The following CPPED1 variants were observed in gnomAD, a reference collection of about 807,000 sequenced individuals.
The protein encoded by CPPED1 is serine/threonine-protein phosphatase CPPED1.
CPPED1 carries 28 observed loss-of-function variants against 28.0 expected under a neutral mutation model. That is an observed-to-expected ratio of 1.00 (90% confidence interval 0.74 to 1.37). CPPED1 has a LOEUF of 1.37. CPPED1 is among the 40% of genes most tolerant of loss of function. CPPED1 has a pLI of 0.00. For synonymous variants in CPPED1, 198 were observed against 180.2 expected (o/e 1.10, Z -0.79); for missense variants, 504 against 416.5 (o/e 1.21, Z -1.83).
chr16:12,781,342 C>G lies in CPPED1; in HGVS notation c.132G>C (p.Gly44=), dbSNP rs2080530366. 1 of 1,614,136 alleles carries G rather than the reference C, an allele frequency of 6.2e-7. No individual in the cohort carries two copies. Among genetic ancestry groups the G allele is most frequent in the African/African-American group, 1.3e-5 (1 of 75,018 alleles). Residue 44 remains glycine (G), a synonymous_variant, in exon 2 of 4, where the codon GGG becomes GGC. Transcript: ENST00000381774. Reference sequence around the variant, plus strand: ...CCCCAGTGGACCAGGCCTTGATCAGCCCAAACTGTGGGTCTGCGCCCAGGA... The same window carrying G: ...CCCCAGTGGACCAGGCCTTGATCAGGCCAAACTGTGGGTCTGCGCCCAGGA... ...YFILGADPQF[G]LIKAWSTGDC...
intron 2 of CPPED1, among the ~76,000 whole-genome samples, chr16:12,732,644 T>C (rs578100268): frequency 1.3e-5 from 2 of 152,294 alleles, no homozygotes; most frequent in East Asian, 3.9e-4. Flanking sequence ...GAAGATCCTA[T>C]GTGTTTCTGG....
At position 12,670,717 on chromosome 16, in the gene CPPED1, T is replaced by A. The variant is rs1056461753; in HGVS notation, c.716-5602A>T. ...AGAGAGACACATTGTATCAAATACC[T>A]GACCAGCACTCCTCAAAACTGTCAT... On this transcript the variant is annotated intron_variant, in intron 3 of 3. Transcript: ENST00000381774. This position sits in a 1 kb window ranked among gnomAD's most constrained non-coding sequence, Gnocchi z 4.2. 1.3e-5 allele frequency among the ~76,000 whole-genome samples: 2 copies of A among 152,170 alleles called. No homozygotes were observed. Among genetic ancestry groups the A allele is most frequent in the African/African-American group, 2.4e-5 (1 of 41,448 alleles).
At chr16:12,769,720 C>T (rs2080459097) in intron 2 of CPPED1, among the ~76,000 whole-genome samples, 1 of 152,154 alleles carries the variant, frequency 6.6e-6, no homozygotes. Flanking sequence ...CAGGTTACTG[C>T]TCAGCATTCG....
chr16:12,725,751 A>T (rs886862668), intron 2 of CPPED1, among the ~76,000 whole-genome samples: 2 of 152,170 alleles, frequency 1.3e-5, no homozygotes, highest in African/African-American at 4.8e-5. Context: ...AATGAATGAA[A>T]ACACGTCTTA....
chr16:12,736,164 G>C (rs2080225831), intron 2 of CPPED1, among the ~76,000 whole-genome samples: 1 of 152,118 alleles, frequency 6.6e-6, no homozygotes, highest in Admixed American at 6.6e-5. Context: ...CCCAAACTCA[G>C]AAGTGGGCTG....
intron 1 of CPPED1, among the ~76,000 whole-genome samples, chr16:12,797,824 T>C (rs2080636718): frequency 1.3e-5 from 2 of 151,924 alleles, no homozygotes; most frequent in Admixed American, 1.3e-4. Flanking sequence ...TGGACAAGCT[T>C]GTCCTAACAG....
intron 2 of CPPED1, among the ~76,000 whole-genome samples, chr16:12,730,833 C>T (rs559701618): frequency 4.6e-5 from 7 of 152,156 alleles, no homozygotes; most frequent in Non-Finnish European, 8.8e-5. Flanking sequence ...CATCTCAACT[C>T]GAGTGGTGGG....
chr16:12,772,204 G>A (rs2080474258), intron 2 of CPPED1, among the ~76,000 whole-genome samples: 1 of 152,162 alleles, frequency 6.6e-6, no homozygotes. Flanking sequence ...CATGGCTACT[G>A]TTATCAGGAC....
At chr16:12,779,208 A>G (rs2080515292) in intron 2 of CPPED1, among the ~76,000 whole-genome samples, 1 of 152,010 alleles carries the variant, frequency 6.6e-6, no homozygotes, top group African/African-American at 2.4e-5. Context: ...AAAATTTGAA[A>G]TCTTCTTTTC....
intron 1 of CPPED1, among the ~76,000 whole-genome samples, chr16:12,797,688 T>G (rs1374207351): frequency 6.6e-6 from 1 of 152,092 alleles, no homozygotes; most frequent in African/African-American, 2.4e-5. Context: ...ACACTAACAT[T>G]AATGATAGCT....
chr16:12,716,230 T>C (rs1398917044), intron 2 of CPPED1, among the ~76,000 whole-genome samples: 1 of 152,260 alleles, frequency 6.6e-6, no homozygotes. Flanking sequence ...TCACCTCTCC[T>C]GTATTTACCT....
chr16:12,699,928 T>C (rs1331870831), intron 3 of CPPED1, among the ~76,000 whole-genome samples: 1 of 152,186 alleles, frequency 6.6e-6, no homozygotes, highest in Non-Finnish European at 1.5e-5. Flanking sequence ...GTTCCAATTA[T>C]GTTGTTGTGA....
intron 2 of CPPED1, among the ~76,000 whole-genome samples, chr16:12,725,988 G>A (rs928889860): frequency 1.3e-5 from 2 of 152,078 alleles, no homozygotes; most frequent in African/African-American, 2.4e-5. Flanking sequence ...CTTGAGCCCA[G>A]GAGTTCAAGA....
intron 3 of CPPED1, among the ~76,000 whole-genome samples, chr16:12,701,464 G>C (rs797016330): frequency 4.6e-5 from 7 of 152,286 alleles, no homozygotes; most frequent in African/African-American, 1.7e-4. Flanking sequence ...AACTTGGGAG[G>C]TGGAGGAGGT....
At position 12,762,120 on chromosome 16, in the gene CPPED1, C is replaced by T. The variant is rs997460682; in HGVS notation, c.289+19065G>A. On this transcript the variant is annotated intron_variant, in intron 2 of 3. Coordinates refer to ENST00000381774, the MANE Select transcript of CPPED1 (RefSeq NM_018340.3). ...TACAGTCTTAAAATAAACATATCCT[C>T]GGCTAATTGAGAGGACAGCCTGGGG... is the stretch of plus-strand genomic sequence containing the variant. 5.3e-5 allele frequency among the ~76,000 whole-genome samples: 8 copies of T among 152,138 alleles called. No individual in the cohort carries two copies. The East Asian group carries it at 9.6e-4, about 18-fold the overall frequency.
intron 2 of CPPED1, among the ~76,000 whole-genome samples, chr16:12,718,856 G>A (rs1019147673): frequency 2.6e-5 from 4 of 152,138 alleles, no homozygotes; most frequent in Admixed American, 1.3e-4. Context: ...GCAGCTATTT[G>A]GTAGGCTGAG....
At chr16:12,780,522 C>T (rs562673097) in intron 2 of CPPED1, among the ~76,000 whole-genome samples, 1 of 152,124 alleles carries the variant, frequency 6.6e-6, no homozygotes, top group African/African-American at 2.4e-5. Flanking sequence ...TCTTTCTGTT[C>T]TGGTTTCTGA....
At position 12,781,380 on chromosome 16, in the gene CPPED1, G is replaced by A; in HGVS notation, c.94C>T (p.Pro32Ser). Residue 32 changes from proline (P) to serine (S), a missense_variant, in exon 2 of 4, where the codon CCA (proline) becomes TCA (serine). Coordinates refer to ENST00000381774, the MANE Select transcript of CPPED1 (RefSeq NM_018340.3). ...TCTGCGCCCAGGATGAAGTAGAATG[G>A]GCCTTTCCATTCGCTTTCCTTTTCT... ...PAEKESEWKGPFYFILGADPQ... is the reference protein window; with the variant it reads ...PAEKESEWKGSFYFILGADPQ... 1 of 1,613,920 alleles carries A rather than the reference G, an allele frequency of 6.2e-7. No homozygotes were observed. The highest frequency in any genetic ancestry group is 8.5e-7 in the Non-Finnish European group (1 of 1,179,948).
chr16:12,772,984 A>T (rs1367739871), intron 2 of CPPED1, among the ~76,000 whole-genome samples: 1 of 152,220 alleles, frequency 6.6e-6, no homozygotes, highest in East Asian at 1.9e-4. Flanking sequence ...ATCAATAAAG[A>T]CCATAAACAG....
Sources: allele counts gnomAD v4.1 joint callset (sites outside exome capture counted in the v4.1 genomes callset), GRCh38; gene constraint gnomAD v4.1.1; non-coding constraint Gnocchi (gnomAD v3.1); transcripts MANE v1.5; gene names NCBI Gene and HGNC (gene_info 2026-07-23, HGNC 2026-07-21).